Variants in MAP2K4 observed in about 807,000 individuals in gnomAD.
The protein encoded by MAP2K4 is dual specificity mitogen-activated protein kinase kinase 4.
Under a neutral mutation model 48.5 loss-of-function variants are expected in MAP2K4, and 4 were observed. The observed-to-expected ratio is 0.08, with a 90% CI of 0.04 to 0.19. The LOEUF (loss-of-function observed/expected upper bound fraction) is 0.19, where lower values mean the gene tolerates loss of function less well. Ranked by LOEUF, MAP2K4 falls within the 10% of genes least tolerant of loss-of-function variation. The pLI, the probability that MAP2K4 is intolerant of heterozygous loss-of-function variation, is 1.00. For missense variants in MAP2K4, 258 were observed against 493.3 expected (o/e 0.52, Z 4.52); for synonymous variants, 166 against 173.1 (o/e 0.96, Z 0.32).
chr17:12,085,734 G>A (rs1971340225), intron 3 of MAP2K4, among the ~76,000 whole-genome samples: 1 of 152,058 alleles, frequency 6.6e-6, no homozygotes, highest in Non-Finnish European at 1.5e-5. Context: ...ATGCTTGATA[G>A]TAAGGACTAG....
intron 4 of MAP2K4, among the ~76,000 whole-genome samples, chr17:12,106,180 A>T (rs1972104370): frequency 1.3e-5 from 2 of 152,090 alleles, no homozygotes; most frequent in African/African-American, 4.8e-5. Context: ...AAGTGGATGA[A>T]GTAAATGTGC....
At chr17:12,053,244 T>A (rs1207758949) in intron 1 of MAP2K4, among the ~76,000 whole-genome samples, 2 of 152,124 alleles carry the variant, frequency 1.3e-5, no homozygotes, top group East Asian at 3.8e-4. Context: ...ATATATCTTA[T>A]TAGTGATTCT....
chr17:12,139,118 T>C (rs1973299081), intron 9 of MAP2K4, among the ~76,000 whole-genome samples: 1 of 152,244 alleles, frequency 6.6e-6, no homozygotes. Flanking sequence ...GTTACCCATA[T>C]TAATTCATGT....
intron 1 of MAP2K4, among the ~76,000 whole-genome samples, chr17:12,024,842 G>A (rs1969206759): frequency 6.6e-6 from 1 of 152,296 alleles, no homozygotes; most frequent in African/African-American, 2.4e-5. Flanking sequence ...GCCATGGCTA[G>A]GGCTTTCCCT....
intron 1 of MAP2K4, among the ~76,000 whole-genome samples, chr17:12,035,000 C>T (rs1265232267): frequency 1.3e-5 from 2 of 152,164 alleles, no homozygotes; most frequent in Non-Finnish European, 2.9e-5. Flanking sequence ...GTAGAGATGG[C>T]TAGCCCTAAA....
At chr17:12,065,550 T>G (rs1025674831) in intron 2 of MAP2K4, among the ~76,000 whole-genome samples, 2 of 152,134 alleles carry the variant, frequency 1.3e-5, no homozygotes, top group African/African-American at 4.8e-5. Context: ...TCTGCCCGCC[T>G]CAGCCTCCCA....
intron 2 of MAP2K4, chr17:12,069,749 C>A (rs190564034): frequency 1.8e-6 from 2 of 1,106,866 alleles, no homozygotes; most frequent in Admixed American, 3.9e-5. Flanking sequence ...TGGAAATTTC[C>A]GGAATTAACA....
Position 12,095,708 on chromosome 17 carries a change from G to C in MAP2K4, c.513+14G>C. The C allele has an allele frequency of 1.9e-6, 3 of 1,610,118 alleles. No individual in the cohort carries two copies. The highest frequency in any genetic ancestry group is 2.5e-6 in the Non-Finnish European group (3 of 1,178,732). ...CTCTTCAGAGAGGTAGGAATAAACT[G>C]GGTTTTAGCTGACTAATGAATATCT... is the stretch of plus-strand genomic sequence containing the variant. On this transcript the variant is annotated intron_variant, in intron 4 of 10. Coordinates refer to ENST00000353533, the MANE Select transcript of MAP2K4 (RefSeq NM_003010.4).
At chr17:12,083,427 G>A (rs956719094) in intron 3 of MAP2K4, among the ~76,000 whole-genome samples, 2 of 152,200 alleles carry the variant, frequency 1.3e-5, no homozygotes, top group Non-Finnish European at 2.9e-5. Context: ...TGTACTTGAA[G>A]AACTTTCAAG....
At chr17:12,099,798 C>T (rs1971878073) in intron 4 of MAP2K4, among the ~76,000 whole-genome samples, 1 of 152,130 alleles carries the variant, frequency 6.6e-6, no homozygotes, top group African/African-American at 2.4e-5. Flanking sequence ...GTGCTGAAAC[C>T]TAGTATCACT....
chr17:12,046,729 G>A (rs976119249), intron 1 of MAP2K4, among the ~76,000 whole-genome samples: 13 of 152,152 alleles, frequency 8.5e-5, no homozygotes, highest in African/African-American at 2.9e-4. Context: ...AATCAGTTAT[G>A]AGTTTCTGTT....
Position 12,122,267 on chromosome 17 carries a change from C to T in MAP2K4, c.814-3027C>T, listed in dbSNP as rs537621025. On this transcript the variant is annotated intron_variant, in intron 7 of 10. Transcript: ENST00000353533. ...CTTGCTCCTTTTCTCTTGCAACATA[C>T]GGATTCAGTAATGTGACCACACCCT... is the stretch of plus-strand genomic sequence containing the variant. 6.5e-4 allele frequency among the ~76,000 whole-genome samples: 99 copies of T among 152,282 alleles called. 2 individuals carry two copies. In the South Asian group the frequency reaches 0.016, roughly 25 times the overall value.
chr17:12,079,236 T>TA (rs1432405249), intron 2 of MAP2K4, among the ~76,000 whole-genome samples: 2 of 152,192 alleles, frequency 1.3e-5, no homozygotes, highest in Non-Finnish European at 2.9e-5. Flanking sequence ...GCTTTCAACT[T>TA]ATTCAGTTTT....
At chr17:12,033,311 C>T (rs1389878823) in intron 1 of MAP2K4, among the ~76,000 whole-genome samples, 2 of 151,726 alleles carry the variant, frequency 1.3e-5, no homozygotes, top group African/African-American at 4.8e-5. Flanking sequence ...TGATATGTGT[C>T]ATTCTTAAGT....
At chr17:12,034,979 C>G (rs538135551) in intron 1 of MAP2K4, among the ~76,000 whole-genome samples, 3 of 152,138 alleles carry the variant, frequency 2.0e-5, no homozygotes, top group Non-Finnish European at 4.4e-5. Context: ...GGGAGGGGAG[C>G]TGGAGACTTG....
chr17:12,034,262 T>C (rs1334801340), intron 1 of MAP2K4, among the ~76,000 whole-genome samples: 1 of 152,204 alleles, frequency 6.6e-6, no homozygotes. Flanking sequence ...ATGGCTCTGT[T>C]TTTGTCATTA....
chr17:12,105,501 T>A (rs929778124), intron 4 of MAP2K4, among the ~76,000 whole-genome samples: 11 of 152,142 alleles, frequency 7.2e-5, no homozygotes, highest in African/African-American at 2.7e-4. Flanking sequence ...GAACCCTTCC[T>A]TATGTTACCT....
chr17:12,108,279 A>T (rs1972190674), intron 5 of MAP2K4, among the ~76,000 whole-genome samples: 1 of 152,074 alleles, frequency 6.6e-6, no homozygotes, highest in Non-Finnish European at 1.5e-5. Flanking sequence ...AAGCCCCATA[A>T]TTGAAGCCCT....
chr17:12,124,291 C>G (rs1054977243), intron 7 of MAP2K4: 3 of 152,200 alleles, frequency 2.0e-5, no homozygotes, highest in African/African-American at 7.2e-5. Flanking sequence ...CCCTCTCTCT[C>G]TCTTCCCTTT....
Sources: gnomAD v4.1 joint callset for allele counts (sites outside exome capture counted in the v4.1 genomes callset) on GRCh38, gnomAD v4.1.1 for gene constraint, MANE v1.5 for transcripts, NCBI Gene and HGNC (gene_info 2026-07-23, HGNC 2026-07-21) for gene names.